Variants in ABR observed in about 807,000 individuals in gnomAD.
ABR encodes the protein ABR activator of RhoGEF and GTPase, also known as active breakpoint cluster region-related protein.
In ABR, 35 loss-of-function variants were observed where a neutral mutation model predicts 107.2. That is an observed-to-expected ratio of 0.33 (90% CI 0.25 to 0.43). The LOEUF is 0.43. ABR is among the 20% of genes least tolerant of loss of function. ABR has a pLI of 1.00. For missense variants in ABR, 815 were observed against 1,115.2 expected (o/e 0.73, Z 3.83); for synonymous variants, 498 against 462.0 (o/e 1.08, Z -1.00).
At chr17:1,129,047 C>G (rs1377177555) in intron 1 of ABR, among the ~76,000 whole-genome samples, 1 of 152,230 alleles carries the variant, frequency 6.6e-6, no homozygotes, top group African/African-American at 2.4e-5. Context: ...TCTTCCCTGA[C>G]GTCCCCGCTT....
chr17:1,008,673 C>T (rs1022534245), intron 21 of ABR, among the ~76,000 whole-genome samples: 7 of 152,216 alleles, frequency 4.6e-5, no homozygotes, highest in South Asian at 2.1e-4. Context: ...CTGGCTCTCC[C>T]GAGCCTGGCG....
chr17:1,026,444 C>T lies in ABR; in HGVS notation c.1792-13280G>A, dbSNP rs549624658. Among the ~76,000 whole-genome samples, 15 of 152,340 alleles carry T rather than the reference C, an allele frequency of 9.8e-5. No individual in the cohort carries two copies. The East Asian group carries it at 1.5e-3, about 16-fold the overall frequency. On this transcript the variant is annotated intron_variant, in intron 16 of 22. Transcript: ENST00000302538. ...TCGGTACCAGCCCCGGCTGGGGTCA[C>T]GGTCCAGAAAGGAGATCCCTCCAGA...
chr17:1,055,878 CAA>C (rs1230482801), intron 14 of ABR, 155 bp downstream of exon 14: 1 of 651,454 alleles, frequency 1.5e-6, no homozygotes, highest in Non-Finnish European at 2.6e-6. Context: ...ACTTTGGAGA[CAA>C]AGGCCAGGGG....
Position 1,217,263 on chromosome 17 carries a change from C to T in ABR, c.838+11530G>A, listed in dbSNP as rs546525359. Among the ~76,000 whole-genome samples the T allele has an allele frequency of 3.7e-4, 56 of 152,296 alleles. 1 individual carries two copies. The South Asian group carries it at 5.6e-3, about 15-fold the overall frequency. Reference sequence around the variant, plus strand: ...GTCCCCCCCAAGGCTGCAGCCGTGACGCGTCTGTAATTGGATGCTTCGCTG... The same window carrying T: ...GTCCCCCCCAAGGCTGCAGCCGTGATGCGTCTGTAATTGGATGCTTCGCTG... On this transcript the variant is annotated intron_variant, in intron 1 of 22. Coordinates refer to the ABR transcript ENST00000574139.
intron 12 of ABR, 87 bp from the exon 13 acceptor site, chr17:1,057,189 G>A (rs530661021): frequency 5.7e-6 from 5 of 874,548 alleles, no homozygotes; most frequent in South Asian, 1.4e-5. Flanking sequence ...GCAGGAAGAC[G>A]GCTTAATCCC....
chr17:1,136,878 G>A (rs2040085679), intron 1 of ABR, among the ~76,000 whole-genome samples: 1 of 152,156 alleles, frequency 6.6e-6, no homozygotes, highest in Non-Finnish European at 1.5e-5. Context: ...GTGTTCACTG[G>A]AGAAGCACTT....
chr17:1,051,417 G>C lies in ABR; in HGVS notation c.1562-783C>G, dbSNP rs2032510525. ...AAGCGCTCCAGGTAACAAGGCAGTGGAGGGCTGGGGCGGGAGGGCAGGGCC... is the reference window on the plus strand; with the variant it reads ...AAGCGCTCCAGGTAACAAGGCAGTGCAGGGCTGGGGCGGGAGGGCAGGGCC... On this transcript the variant is annotated intron_variant, in intron 14 of 22. Coordinates refer to ENST00000302538, the MANE Select transcript of ABR (RefSeq NM_021962.5). This position sits in a 1 kb window ranked among gnomAD's most constrained non-coding sequence, Gnocchi z 4.3. Among the ~76,000 whole-genome samples the C allele has an allele frequency of 6.6e-6, 1 of 151,848 alleles. No individual in the cohort carries two copies. The highest frequency in any genetic ancestry group is 1.5e-5 in the Non-Finnish European group (1 of 67,898).
intron 2 of ABR, among the ~76,000 whole-genome samples, chr17:1,120,231 G>A (rs1416945513): frequency 6.6e-6 from 1 of 151,356 alleles, no homozygotes; most frequent in East Asian, 2.0e-4. Flanking sequence ...GGAGGAGGAA[G>A]AGGATGATAG....
At chr17:1,013,345 TGTGGCCGCC>T in intron 16 of ABR, among the ~76,000 whole-genome samples, 181 bp from the exon 17 acceptor site, 1 of 150,456 alleles carries the variant, frequency 6.6e-6, no homozygotes, top group South Asian at 2.1e-4. Flanking sequence ...CCCAGGCCCC[TGTGGCCGCC>T]GTGGGGGAGG....
chr17:1,183,412 T>C (rs1314050957), upstream of ABR, among the ~76,000 whole-genome samples: 1 of 152,116 alleles, frequency 6.6e-6, no homozygotes, highest in Non-Finnish European at 1.5e-5. Context: ...ATTTCATGGT[T>C]GGGTGCACCG....
chr17:1,198,824 T>TTG (rs2042618097), intron 1 of ABR, among the ~76,000 whole-genome samples: 1 of 145,852 alleles, frequency 6.9e-6, no homozygotes, highest in African/African-American at 2.6e-5. Context: ...TTAATAGAGG[T>TTG]GGGTTTCACC....
chr17:1,139,063 A>G (rs1404679238), intron 1 of ABR, among the ~76,000 whole-genome samples: 1 of 152,192 alleles, frequency 6.6e-6, no homozygotes, highest in Non-Finnish European at 1.5e-5. Flanking sequence ...TTGTAAACAC[A>G]GTTATGCTTA....
intron 2 of ABR, chr17:1,108,790 G>C: frequency 9.3e-7 from 1 of 1,072,462 alleles, no homozygotes; most frequent in Non-Finnish European, 1.2e-6. Flanking sequence ...CCTCTCCCCC[G>C]GGAACAGCTG....
Position 1,089,880 on chromosome 17 carries a change from A to C in ABR, c.531+1785T>G, listed in dbSNP as rs190010224. 5.3e-3 allele frequency among the ~76,000 whole-genome samples: 810 copies of C among 152,326 alleles called. 9 individuals are homozygous for C. Among genetic ancestry groups the C allele is most frequent in the African/African-American group, 0.018 (757 of 41,576 alleles). ...GATGCTGAGGCAGGAGAATCACTTG[A>C]ACCCGCGAGGAGGAGGTTGCAGTGA... On this transcript the variant is annotated intron_variant, in intron 4 of 22. Coordinates refer to ENST00000302538, the MANE Select transcript of ABR (RefSeq NM_021962.5).
intron 1 of ABR, among the ~76,000 whole-genome samples, chr17:1,195,302 CTCAAA>C (rs1567882501): frequency 1.3e-4 from 13 of 103,180 alleles, no homozygotes; most frequent in Admixed American, 8.8e-4. Context: ...ATGAGACTGT[CTCAAA>C]AAAAAAAAAA....
intron 1 of ABR, among the ~76,000 whole-genome samples, chr17:1,146,481 C>T (rs1396069823): frequency 2.0e-5 from 3 of 152,292 alleles, no homozygotes; most frequent in Non-Finnish European, 4.4e-5. Context: ...CATGAGATGA[C>T]GTCTGTAAAC....
chr17:1,178,240 C>T (rs149906958), intron 1 of ABR, among the ~76,000 whole-genome samples: 1 of 151,958 alleles, frequency 6.6e-6, no homozygotes, highest in African/African-American at 2.4e-5. Context: ...CCCACCCCCC[C>T]CATATGACTT....
At chr17:1,016,474 G>A (rs538886904) in intron 16 of ABR, among the ~76,000 whole-genome samples, 5 of 151,792 alleles carry the variant, frequency 3.3e-5, no homozygotes, top group Non-Finnish European at 7.4e-5. Context: ...CTGCCACCAC[G>A]CCCAGCTAAT....
rs542655946 is a variant in ABR at position 1,194,041 on chromosome 17, A to C, written c.838+34752T>G. ...TCCAGGGGAAGTGGCAGAGGAAGGA[A>C]GACACAAAGATGAATTTCCATCCTC... On this transcript the variant is annotated intron_variant, in intron 1 of 22. Coordinates refer to the ABR transcript ENST00000574139. Among the ~76,000 whole-genome samples the C allele has an allele frequency of 2.2e-3, 328 of 152,284 alleles. 3 individuals are homozygous for C. Among genetic ancestry groups the C allele is most frequent in the African/African-American group, 7.4e-3 (309 of 41,572 alleles).
Sources: allele counts gnomAD v4.1 joint callset (sites outside exome capture counted in the v4.1 genomes callset), GRCh38; gene constraint gnomAD v4.1.1; non-coding constraint Gnocchi (gnomAD v3.1); transcripts MANE v1.5; gene names NCBI Gene and HGNC (gene_info 2026-07-23, HGNC 2026-07-21).